The following COL4A2 variants were observed in gnomAD, a reference collection of about 807,000 sequenced individuals.
COL4A2 encodes collagen type IV alpha 2 chain, also known as collagen alpha-2(IV) chain.
A neutral mutation model predicts 200.2 loss-of-function variants in COL4A2; 99 were observed. The observed-to-expected ratio is 0.49, with a 90% CI of 0.42 to 0.58. The LOEUF is 0.58. COL4A2 is among the 20% of genes least tolerant of loss of function. COL4A2 has a pLI of 0.00. For synonymous variants in COL4A2, 897 were observed against 900.6 expected (o/e 1.00, Z 0.07); for missense variants, 1,950 against 2,314.1 (o/e 0.84, Z 3.23).
intron 44 of COL4A2, 43 bp downstream of exon 44, chr13:110,504,036 G>A (rs376220966): frequency 4.2e-5 from 65 of 1,554,334 alleles, no homozygotes; most frequent in Admixed American, 1.5e-4. Context: ...GGGGCTGCCC[G>A]GGCAAGGCCA....
intron 16 of COL4A2, among the ~76,000 whole-genome samples, chr13:110,441,266 G>T (rs1288610521): frequency 1.3e-5 from 2 of 152,200 alleles, no homozygotes; most frequent in East Asian, 3.9e-4. Flanking sequence ...AGCTCGGCAG[G>T]CCTGGTGGGG....
Position 110,458,943 on chromosome 13 carries a change from C to G in COL4A2, c.1596+9C>G. The G allele has an allele frequency of 6.5e-7, 1 of 1,537,920 alleles. No homozygotes were observed. Among genetic ancestry groups the G allele is most frequent in the Non-Finnish European group, 8.7e-7 (1 of 1,145,044 alleles). ...GGTTCCCAGGGCTCAAGGTGAGGAG[C>G]AATTTCATCATGAAGCTGGCAAGAC... On this transcript the variant is annotated intron_variant, in intron 22 of 47. Transcript: ENST00000360467.
chr13:110,350,167 A>C lies in COL4A2; in HGVS notation c.100-7305A>C, dbSNP rs555636661. Among the ~76,000 whole-genome samples, 21 of 152,338 alleles carry C rather than the reference A, an allele frequency of 1.4e-4. No individual in the cohort carries two copies. In the South Asian group the frequency reaches 4.4e-3, roughly 32 times the overall value. Reference sequence around the variant, plus strand: ...CAACCAAGAAATCCCTCACTCAAAGATTCCCGTTCTGCACCTGGAAAAAAT... The same window carrying C: ...CAACCAAGAAATCCCTCACTCAAAGCTTCCCGTTCTGCACCTGGAAAAAAT... On this transcript the variant is annotated intron_variant, in intron 3 of 47. Coordinates refer to ENST00000360467, the MANE Select transcript of COL4A2 (RefSeq NM_001846.4).
intron 6 of COL4A2, 40 bp from the exon 7 acceptor site, chr13:110,428,427 C>G (rs1880547526): frequency 8.3e-7 from 1 of 1,202,350 alleles, no homozygotes; most frequent in African/African-American, 1.6e-5. Context: ...CAACTAGAAG[C>G]CTGCTGGTTG....
chr13:110,404,077 C>T (rs1879475190), intron 4 of COL4A2, among the ~76,000 whole-genome samples: 1 of 152,180 alleles, frequency 6.6e-6, no homozygotes, highest in Non-Finnish European at 1.5e-5. Flanking sequence ...CTTCCAGAGT[C>T]CCCACCTCTT....
intron 4 of COL4A2, among the ~76,000 whole-genome samples, chr13:110,364,466 G>C (rs1458274477): frequency 6.6e-6 from 1 of 152,088 alleles, no homozygotes; most frequent in African/African-American, 2.4e-5. Context: ...AGTGGAGGAG[G>C]GGCCAGAAAT....
rs2139553210 is a variant in COL4A2 at position 110,503,848 on chromosome 13, TGCCCCCGGGACTGTGGGA to T, written c.4151_4168del (p.Thr1384_Gly1389del). On this transcript the variant is annotated inframe_deletion and splice_region_variant, in exon 44 of 48. Coordinates refer to ENST00000360467, the MANE Select transcript of COL4A2 (RefSeq NM_001846.4). ...GGGGCCTCTCTGTTTCCCTTCCAGGTGCCCCCGGGACTGTGGGAGCCCCCGGGATTGCAGGAATCCCCC... is the reference window on the plus strand; with the variant it reads ...GGGGCCTCTCTGTTTCCCTTCCAGGTGCCCCCGGGATTGCAGGAATCCCCC... 2 of 1,613,742 alleles carry T rather than the reference TGCCCCCGGGACTGTGGGA, an allele frequency of 1.2e-6. No individual in the cohort carries two copies. The highest frequency in any genetic ancestry group is 8.5e-7 in the Non-Finnish European group (1 of 1,179,842).
Position 110,478,002 on chromosome 13 carries a change from G to A in COL4A2, c.2426-1G>A. 1 of 1,556,640 alleles carries A rather than the reference G, an allele frequency of 6.4e-7. No homozygotes were observed. The highest frequency in any genetic ancestry group is 8.7e-7 in the Non-Finnish European group (1 of 1,148,808). ...ACAGCTCTTGTCTCTGATTCCTGCA[G>A]GAAGCCAAGGGATGCCTGGGATGCC... On this transcript the variant is annotated splice_acceptor_variant, in intron 29 of 47. Transcript: ENST00000360467. LOFTEE classifies it high-confidence loss of function.
intron 46 of COL4A2, among the ~76,000 whole-genome samples, chr13:110,507,068 G>C (rs1196844412): frequency 6.6e-6 from 1 of 152,208 alleles, no homozygotes; most frequent in Non-Finnish European, 1.5e-5. Context: ...GCCTTTGAAA[G>C]GCATTAACGC....
chr13:110,444,352 G>A (rs1453250643), intron 16 of COL4A2, among the ~76,000 whole-genome samples: 1 of 152,222 alleles, frequency 6.6e-6, no homozygotes, highest in Non-Finnish European at 1.5e-5. Context: ...GCCAGTCTGT[G>A]GCTGTGCTCA....
intron 4 of COL4A2, among the ~76,000 whole-genome samples, chr13:110,424,437 A>T (rs1342565274): frequency 2.3e-5 from 1 of 42,912 alleles, no homozygotes; most frequent in Non-Finnish European, 5.7e-5. Flanking sequence ...AAATGACCTT[A>T]AAAAGAACCC....
chr13:110,454,229 G>A lies in COL4A2; in HGVS notation c.1340-3114G>A, dbSNP rs189567578. ...GAAATCATGTTGCAAACATCTAAGA[G>A]GCACACTGCTATTCTATAGGACTTA... On this transcript the variant is annotated intron_variant, in intron 20 of 47. Transcript: ENST00000360467. Among the ~76,000 whole-genome samples the A allele has an allele frequency of 2.1e-3, 327 of 152,280 alleles. 1 individual carries two copies. The highest frequency in any genetic ancestry group is 4.1e-3 in the Non-Finnish European group (278 of 68,018).
intron 33 of COL4A2, 52 bp from the exon 34 acceptor site, chr13:110,485,603 G>C (rs1460110978): frequency 6.9e-7 from 1 of 1,442,380 alleles, no homozygotes; most frequent in East Asian, 2.3e-5. Flanking sequence ...GAAAACTGGA[G>C]GGCGGGTGCT....
intron 4 of COL4A2, among the ~76,000 whole-genome samples, chr13:110,363,483 C>T (rs1207246097): frequency 6.6e-6 from 1 of 152,064 alleles, no homozygotes; most frequent in Non-Finnish European, 1.5e-5. Flanking sequence ...AAAATAGCTG[C>T]CAAGAGAAGA....
intron 4 of COL4A2, among the ~76,000 whole-genome samples, chr13:110,404,305 C>T (rs1879484073): frequency 6.6e-6 from 1 of 152,210 alleles, no homozygotes; most frequent in African/African-American, 2.4e-5. Flanking sequence ...TTTGAAGGTT[C>T]TGCTACTCCT....
At chr13:110,425,781 A>G (rs7327379) in intron 6 of COL4A2, among the ~76,000 whole-genome samples, 91,899 of 152,092 alleles carry the variant, frequency 0.6, 28,257 homozygotes, top group East Asian at 0.77. Flanking sequence ...GAGAGACTCC[A>G]TTCCCAGGCT....
intron 47 of COL4A2, among the ~76,000 whole-genome samples, chr13:110,509,245 T>TGATATATATATA (rs1555334028): frequency 1.4e-5 from 1 of 72,000 alleles, no homozygotes; most frequent in Non-Finnish European, 2.9e-5. Context: ...ATTTCATAAA[T>TGATATATATATA]TATATATATA....
chr13:110,456,428 G>A, intron 20 of COL4A2: 2 of 276,276 alleles, frequency 7.2e-6, no homozygotes, highest in Non-Finnish European at 1.4e-5. Flanking sequence ...TTTTGGGGGG[G>A]AACCAGAAGT....
intron 29 of COL4A2, among the ~76,000 whole-genome samples, chr13:110,474,870 ACACACACGTACC>A (rs1566555557): frequency 8.1e-6 from 1 of 123,250 alleles, no homozygotes; most frequent in Non-Finnish European, 1.7e-5. Flanking sequence ...CACACTCCAT[ACACACACGTACC>A]CACACACGTG....
Sources: gnomAD v4.1 joint callset for allele counts (sites outside exome capture counted in the v4.1 genomes callset) on GRCh38, gnomAD v4.1.1 for gene constraint, MANE v1.5 for transcripts, NCBI Gene and HGNC (gene_info 2026-07-23, HGNC 2026-07-21) for gene names.